The following RNF8 variants were observed in gnomAD, a reference collection of about 807,000 sequenced individuals.
RNF8 encodes the protein E3 ubiquitin-protein ligase RNF8.
A neutral mutation model predicts 59.3 loss-of-function variants in RNF8; 8 were observed. That is an observed-to-expected ratio of 0.13 (90% CI 0.08 to 0.24). The LOEUF (loss-of-function observed/expected upper bound fraction) is 0.24. RNF8 is among the 10% of genes least tolerant of loss of function. RNF8 has a pLI of 1.00. For synonymous variants in RNF8, 162 were observed against 200.0 expected (o/e 0.81, Z 1.60); for missense variants, 406 against 572.6 (o/e 0.71, Z 2.97).
intron 4 of RNF8, among the ~76,000 whole-genome samples, chr6:37,372,854 A>G (rs1581682498): frequency 6.6e-6 from 1 of 152,194 alleles, no homozygotes; most frequent in Admixed American, 6.5e-5. Context: ...CTGTAATCCC[A>G]GCTATTCAGG....
At chr6:37,374,210 C>T (rs1769922930) in intron 4 of RNF8, among the ~76,000 whole-genome samples, 1 of 152,188 alleles carries the variant, frequency 6.6e-6, no homozygotes, top group Non-Finnish European at 1.5e-5. Context: ...TTCTGAATAG[C>T]TTTTAATTAC....
chr6:37,382,062 TC>T (rs1770289652), intron 7 of RNF8, among the ~76,000 whole-genome samples: 1 of 152,214 alleles, frequency 6.6e-6, no homozygotes, highest in Admixed American at 6.5e-5. Context: ...ATCCCATTGT[TC>T]TTCCTTTTCA....
At position 37,360,399 on chromosome 6, in the gene RNF8, T is replaced by A; in HGVS notation, c.112-47T>A. ...TGAGATTTGTAAAGGACCTCCCTTT[T>A]CAGCACAATGACTGATGGTATTTCT... is the stretch of plus-strand genomic sequence containing the variant. On this transcript the variant is annotated intron_variant, in intron 1 of 7. Transcript: ENST00000373479. This position sits in a 1 kb window ranked among gnomAD's most constrained non-coding sequence, Gnocchi z 4.2. 1 of 1,608,868 alleles carries A rather than the reference T, an allele frequency of 6.2e-7. No individual in the cohort carries two copies. Among genetic ancestry groups the A allele is most frequent in the Non-Finnish European group, 8.5e-7 (1 of 1,176,230 alleles).
rs558414512 is a variant in RNF8 at position 37,385,740 on chromosome 6, T to C, written c.1441+4386T>C. On this transcript the variant is annotated intron_variant, in intron 7 of 7. Transcript: ENST00000373479. ...GTTACTAGAAGCTTTTTAATTTCTC[T>C]ATCACCACTTCCCTATTCATCTCCC... is the stretch of plus-strand genomic sequence containing the variant. Among the ~76,000 whole-genome samples the C allele has an allele frequency of 3.3e-5, 5 of 152,350 alleles. No individual in the cohort carries two copies. The East Asian group carries it at 5.8e-4, about 18-fold the overall frequency.
chr6:37,376,888 G>T (rs1770040104), intron 5 of RNF8, 38 bp from the exon 6 acceptor site: 1 of 1,471,840 alleles, frequency 6.8e-7, no homozygotes. Context: ...CATTTTTGTT[G>T]GTTCTCTGAA....
At chr6:37,365,747 A>G (rs923665599) in intron 2 of RNF8, among the ~76,000 whole-genome samples, 1 of 152,214 alleles carries the variant, frequency 6.6e-6, no homozygotes, top group Non-Finnish European at 1.5e-5. Flanking sequence ...TTCTGCTGCT[A>G]GCATTGTTCA....
chr6:37,380,809 A>C (rs1770230603), intron 6 of RNF8, among the ~76,000 whole-genome samples: 1 of 151,968 alleles, frequency 6.6e-6, no homozygotes, highest in Non-Finnish European at 1.5e-5. Flanking sequence ...CAGCCACCCG[A>C]GTAGCTGGGA....
intron 1 of RNF8, among the ~76,000 whole-genome samples, chr6:37,358,850 A>T (rs1182350942): frequency 6.6e-6 from 1 of 152,158 alleles, no homozygotes; most frequent in Non-Finnish European, 1.5e-5. Flanking sequence ...TAATCCCAGC[A>T]CTGTGGGAGG....
chr6:37,373,821 C>T (rs1769901372), intron 4 of RNF8, among the ~76,000 whole-genome samples: 4 of 152,200 alleles, frequency 2.6e-5, no homozygotes, highest in African/African-American at 4.8e-5. Flanking sequence ...CAGGAGATCA[C>T]ACATTTTAAA....
rs568754669 is a variant in RNF8 at position 37,361,991 on chromosome 6, T to C, written c.240+1417T>C. Among the ~76,000 whole-genome samples, 6 of 152,360 alleles carry C rather than the reference T, an allele frequency of 3.9e-5. No individual in the cohort carries two copies. The South Asian group carries it at 6.2e-4, about 16-fold the overall frequency. Reference sequence around the variant, plus strand: ...TTAAGTTTCTCTGCTATGCCCTGTGTCAAGTATCAGTAAAGTATGTAAGCA... The same window carrying C: ...TTAAGTTTCTCTGCTATGCCCTGTGCCAAGTATCAGTAAAGTATGTAAGCA... On this transcript the variant is annotated intron_variant, in intron 2 of 7. Transcript: ENST00000373479.
rs139865060 is a variant in RNF8 at position 37,367,071 on chromosome 6, T to C, written c.241-1413T>C. ...TCAATATATTTACCTTGCGTGACAT[T>C]GAGCATAGAGTTGAAATGATTGTTG... is the stretch of plus-strand genomic sequence containing the variant. On this transcript the variant is annotated intron_variant, in intron 2 of 7. Coordinates refer to ENST00000373479, the MANE Select transcript of RNF8 (RefSeq NM_003958.4). Among the ~76,000 whole-genome samples, 86 of 152,336 alleles carry C rather than the reference T, an allele frequency of 5.6e-4. 3 individuals carry two copies. In the East Asian group the frequency reaches 0.015, roughly 27 times the overall value.
At chr6:37,364,730 C>T (rs1223323518) in intron 2 of RNF8, among the ~76,000 whole-genome samples, 3 of 152,204 alleles carry the variant, frequency 2.0e-5, no homozygotes, top group Admixed American at 1.3e-4. Flanking sequence ...CTTATGTTCT[C>T]GCAGAAACTT....
chr6:37,381,319 A>G lies in RNF8; in HGVS notation c.1406A>G (p.Lys469Arg), dbSNP rs769990242. The G allele has an allele frequency of 1.2e-6, 2 of 1,614,226 alleles. No homozygotes were observed. The highest frequency in any genetic ancestry group is 8.5e-7 in the Non-Finnish European group (1 of 1,180,042). ...KMVNNLSSEV[K>R]ERRIVLIRER... ...GTAAATAATCTGAGCTCAGAAGTGA[A>G]AGAACGACGAATTGTTCTCATTAGG... The change falls in exon 7 of 8, where the codon AAA becomes AGA. Residue 469 changes from lysine to arginine, a missense_variant. By Grantham distance (26) the Lys-to-Arg change is conservative. Transcript: ENST00000373479.
intron 7 of RNF8, among the ~76,000 whole-genome samples, chr6:37,383,438 C>G (rs139296437): frequency 1.5e-3 from 225 of 152,306 alleles, no homozygotes; most frequent in African/African-American, 5.2e-3. Context: ...GATCTGGAAA[C>G]TAGGATTGGC....
rs1276544807 is a variant in RNF8, at chr6:37,360,447, T to C, written c.113T>C (p.Val38Ala). 1.9e-6 allele frequency: 3 copies of C among 1,613,624 alleles called. No homozygotes were observed. The highest frequency in any genetic ancestry group is 2.5e-6 in the Non-Finnish European group (3 of 1,179,838). Residue 38 changes from valine to alanine, a missense_variant and splice_region_variant, in exon 2 of 8, where the codon GTG becomes GCG. Around this residue, in one of 3 missense-constraint regions of RNF8, gnomAD observed 62 missense variants for 112.2 expected, o/e 0.55. Coordinates refer to ENST00000373479, the MANE Select transcript of RNF8 (RefSeq NM_003958.4). The surrounding 1 kb of genome is among the most constrained non-coding windows in gnomAD (Gnocchi z 4.2). Reference protein sequence around the residue: ...GWLLLEDGCEVTVGRGFGVTY... With the variant: ...GWLLLEDGCEATVGRGFGVTY... ...TCTTGCATTGTTGTTGTCTCCCAGG[T>C]GACTGTAGGACGAGGATTTGGTGTC...
At chr6:37,378,776 C>A (rs1215613956) in intron 6 of RNF8, among the ~76,000 whole-genome samples, 2 of 152,202 alleles carry the variant, frequency 1.3e-5, no homozygotes, top group East Asian at 3.9e-4. Context: ...AATTTCTAGT[C>A]ATCTGATTCT....
intron 1 of RNF8, among the ~76,000 whole-genome samples, chr6:37,356,276 G>A (rs998292357): frequency 6.6e-6 from 1 of 152,204 alleles, no homozygotes; most frequent in African/African-American, 2.4e-5. Context: ...AGGTCAGGTC[G>A]TAGCATAGCC....
Position 37,393,762 on chromosome 6 carries a change from A to T in RNF8, c.*3004A>T, listed in dbSNP as rs61308619. ...GGACTTTGTCCTTTGTGGATTGCAT[A>T]GCTGGATACCCATCATCTGTTTCTC... On this transcript the variant is annotated 3_prime_UTR_variant, in exon 8 of 8. Coordinates refer to ENST00000373479, the MANE Select transcript of RNF8 (RefSeq NM_003958.4). 6.6e-6 allele frequency: 1 copy of T among 152,234 alleles called. No homozygotes were observed. The highest frequency in any genetic ancestry group is 1.5e-5 in the Non-Finnish European group (1 of 68,058). 9.4% of individuals were successfully genotyped at this position (152,234 alleles called of 1,614,324 possible).
Position 37,356,697 on chromosome 6 carries a change from C to T in RNF8, c.111+2422C>T, listed in dbSNP as rs192498378. Among the ~76,000 whole-genome samples the T allele has an allele frequency of 2.0e-5, 3 of 151,994 alleles. No individual in the cohort carries two copies. The East Asian group carries it at 5.8e-4, about 29-fold the overall frequency. ...TTTAGTTTTCATTAAGTTTTCTGCC[C>T]CAAGGGAAAAAAGGGAAAGGATGGT... On this transcript the variant is annotated intron_variant, in intron 1 of 7. Coordinates refer to ENST00000373479, the MANE Select transcript of RNF8 (RefSeq NM_003958.4).
Sources: allele counts gnomAD v4.1 joint callset (sites outside exome capture counted in the v4.1 genomes callset), GRCh38; gene constraint gnomAD v4.1.1; regional missense constraint gnomAD v4.1.1; non-coding constraint Gnocchi (gnomAD v3.1); transcripts MANE v1.5; gene names NCBI Gene and HGNC (gene_info 2026-07-23, HGNC 2026-07-21).